Variants in SLC2A9 observed in about 807,000 individuals in gnomAD.
The protein encoded by SLC2A9 is solute carrier family 2, facilitated glucose transporter member 9.
Under a neutral mutation model 50.6 loss-of-function variants are expected in SLC2A9, and 39 were observed. The observed-to-expected ratio is 0.77, with a 90% confidence interval of 0.60 to 1.01. The LOEUF is 1.01. Ranked by LOEUF, SLC2A9 falls within the 50% of genes least tolerant of loss-of-function variation. The probability of loss-of-function intolerance (pLI) is 0.00; values close to 1 mark genes in which losing one functional copy is unlikely to be tolerated. For synonymous variants in SLC2A9, 324 were observed against 276.9 expected (o/e 1.17, Z -1.69); for missense variants, 686 against 677.6 (o/e 1.01, Z -0.14).
intron 9 of SLC2A9, among the ~76,000 whole-genome samples, chr4:9,888,524 A>T (rs1442512141): frequency 2.0e-5 from 3 of 152,050 alleles, no homozygotes; most frequent in African/African-American, 7.2e-5. Flanking sequence ...CAGACTGGAC[A>T]GCTGAGCATT....
At chr4:10,016,484 T>G (rs971561645) in intron 2 of SLC2A9, among the ~76,000 whole-genome samples, 1 of 152,206 alleles carries the variant, frequency 6.6e-6, no homozygotes, top group Non-Finnish European at 1.5e-5. Flanking sequence ...TTTCCATCTG[T>G]GCTCTTACTG....
downstream of SLC2A9, among the ~76,000 whole-genome samples, chr4:9,775,416 G>C (rs181177345): frequency 6.6e-6 from 1 of 152,250 alleles, no homozygotes; most frequent in Admixed American, 6.5e-5. Context: ...AAGGGGACCT[G>C]GAAACCAGGA....
intron 7 of SLC2A9, among the ~76,000 whole-genome samples, chr4:9,909,311 G>A (rs2109990394): frequency 6.6e-6 from 1 of 152,316 alleles, no homozygotes; most frequent in South Asian, 2.1e-4. Flanking sequence ...ATGCTAGGAT[G>A]ACACACTTAC....
chr4:9,812,173 T>C (rs905965755), intron 3 of SLC2A9, among the ~76,000 whole-genome samples: 1 of 152,230 alleles, frequency 6.6e-6, no homozygotes, highest in Admixed American at 6.5e-5. Context: ...TCAGCACTTT[T>C]AAAGTTAGTT....
intron 10 of SLC2A9, among the ~76,000 whole-genome samples, chr4:9,846,166 G>A (rs1037319025): frequency 2.0e-5 from 3 of 152,232 alleles, no homozygotes; most frequent in East Asian, 3.9e-4. Flanking sequence ...ACCCAGGTAA[G>A]AGACTCTCTC....
chr4:10,007,390 G>A (rs1760980541), intron 2 of SLC2A9, among the ~76,000 whole-genome samples: 1 of 152,216 alleles, frequency 6.6e-6, no homozygotes, highest in Non-Finnish European at 1.5e-5. Flanking sequence ...TTAGCTTTCA[G>A]AATGAAATGA....
At position 9,905,331 on chromosome 4, in the gene SLC2A9, G is replaced by A. The variant is rs546528671; in HGVS notation, c.1113+2904C>T. 6.6e-5 allele frequency among the ~76,000 whole-genome samples: 10 copies of A among 152,360 alleles called. No homozygotes were observed. The East Asian group carries it at 1.9e-3, about 29-fold the overall frequency. On this transcript the variant is annotated intron_variant, in intron 8 of 11. Transcript: ENST00000264784. ...TTGGACTGTGAGCTCCTACAGGCAGGCACCATGGCAAAGGCCCTCTGTAAG... is the reference window on the plus strand; with the variant it reads ...TTGGACTGTGAGCTCCTACAGGCAGACACCATGGCAAAGGCCCTCTGTAAG...
intron 3 of SLC2A9, among the ~76,000 whole-genome samples, chr4:9,791,739 C>G (rs1184091066): frequency 6.6e-6 from 1 of 152,026 alleles, no homozygotes; most frequent in Non-Finnish European, 1.5e-5. Context: ...GGAAAGGAAG[C>G]GTCCCTCAGT....
intron 3 of SLC2A9, among the ~76,000 whole-genome samples, chr4:9,806,187 C>A (rs1577340047): frequency 6.6e-6 from 1 of 152,256 alleles, no homozygotes; most frequent in South Asian, 2.1e-4. Context: ...TAAACAAAAT[C>A]TCTGCAGCAC....
At chr4:9,927,946 C>T (rs146657809) in intron 6 of SLC2A9, among the ~76,000 whole-genome samples, 1 of 152,284 alleles carries the variant, frequency 6.6e-6, no homozygotes, top group African/African-American at 2.4e-5. Flanking sequence ...ATTGAATTAA[C>T]CCCAATGAAT....
intron 2 of SLC2A9, among the ~76,000 whole-genome samples, chr4:10,011,926 C>T (rs1435207680): frequency 6.6e-6 from 1 of 152,198 alleles, no homozygotes; most frequent in East Asian, 1.9e-4. Context: ...CTACAAGAGC[C>T]TCCTCCCTTT....
At chr4:9,812,555 T>C (rs1448356046) in intron 3 of SLC2A9, among the ~76,000 whole-genome samples, 1 of 152,002 alleles carries the variant, frequency 6.6e-6, no homozygotes, top group Non-Finnish European at 1.5e-5. Flanking sequence ...CCTGCTCTCA[T>C]CACTAAAAAT....
At chr4:10,037,110 T>G (rs1211272626) in intron 1 of SLC2A9, among the ~76,000 whole-genome samples, 1 of 152,222 alleles carries the variant, frequency 6.6e-6, no homozygotes, top group Admixed American at 6.5e-5. Flanking sequence ...CTTGTTGAAG[T>G]GTGATTTATG....
chr4:9,869,306 C>T (rs1733012752), intron 10 of SLC2A9, among the ~76,000 whole-genome samples: 1 of 152,206 alleles, frequency 6.6e-6, no homozygotes, highest in African/African-American at 2.4e-5. Flanking sequence ...TCAGTCCATG[C>T]CTCCTGCTTA....
At chr4:9,960,824 T>C (rs1313350473) in intron 5 of SLC2A9, among the ~76,000 whole-genome samples, 1 of 152,080 alleles carries the variant, frequency 6.6e-6, no homozygotes, top group Non-Finnish European at 1.5e-5. Flanking sequence ...ATGGGGGCAG[T>C]TGAATGGCAC....
chr4:9,964,844 A>G (rs1752815807), intron 5 of SLC2A9, among the ~76,000 whole-genome samples: 1 of 152,204 alleles, frequency 6.6e-6, no homozygotes, highest in South Asian at 2.1e-4. Flanking sequence ...TCCATCAACA[A>G]GTCAGGACGT....
intron 10 of SLC2A9, among the ~76,000 whole-genome samples, chr4:9,869,641 C>T (rs936914454): frequency 9.8e-5 from 15 of 152,318 alleles, no homozygotes; most frequent in African/African-American, 2.6e-4. Context: ...TTTGATTTTA[C>T]GCCAATCTTT....
chr4:9,903,626 G>C (rs1349392451), intron 8 of SLC2A9, among the ~76,000 whole-genome samples: 1 of 151,954 alleles, frequency 6.6e-6, no homozygotes, highest in Non-Finnish European at 1.5e-5. Context: ...AACTTTATTA[G>C]CCTCCTGAGC....
At chr4:9,914,374 C>T (rs183301004) in intron 7 of SLC2A9, among the ~76,000 whole-genome samples, 1 of 152,350 alleles carries the variant, frequency 6.6e-6, no homozygotes, top group East Asian at 1.9e-4. Context: ...CTGCTTCATC[C>T]ACAGCCCCAA....
Sources: allele counts gnomAD v4.1 joint callset (sites outside exome capture counted in the v4.1 genomes callset), GRCh38; gene constraint gnomAD v4.1.1; transcripts MANE v1.5; gene names NCBI Gene and HGNC (gene_info 2026-07-23, HGNC 2026-07-21).